The following POGZ variants were observed in gnomAD, a reference collection of about 807,000 sequenced individuals.
The protein encoded by POGZ is pogo transposable element with ZNF domain.
Under a neutral mutation model 134.6 loss-of-function variants are expected in POGZ, and 17 were observed. That is an observed-to-expected ratio of 0.13 (90% confidence interval 0.09 to 0.19). The LOEUF is 0.19. Ranked by LOEUF, POGZ falls within the 10% of genes least tolerant of loss-of-function variation. POGZ has a pLI of 1.00. For synonymous variants in POGZ, 693 were observed against 657.1 expected, an observed-to-expected ratio of 1.05 and a Z score of -0.84; for missense variants, 1,306 against 1,769.7, an observed-to-expected ratio of 0.74 and a Z score of 4.70.
At chr1:151,413,840 T>A (rs2102203978) in intron 10 of POGZ, among the ~76,000 whole-genome samples, 1 of 152,202 alleles carries the variant, frequency 6.6e-6, no homozygotes, top group East Asian at 1.9e-4. Flanking sequence ...CCACTGTGCC[T>A]AGCCAAGTAA....
Position 151,404,946 on chromosome 1 carries a change from A to C in POGZ, c.4089T>G (p.His1363Gln), listed in dbSNP as rs142860188. 1.3e-3 allele frequency: 2,063 copies of C among 1,614,140 alleles called. 6 individuals carry two copies. Among genetic ancestry groups the C allele is most frequent in the Middle Eastern group, 5.8e-3 (35 of 6,062 alleles). Residue 1363 changes from histidine (H) to glutamine (Q), a missense_variant, in exon 19 of 19, where the codon CAT becomes CAG. His to Gln is a conservative substitution (Grantham distance 24). Around this residue, in one of 10 missense-constraint regions of POGZ, gnomAD observed 107 missense variants for 97.9 expected, o/e 1.09. Coordinates refer to ENST00000271715, the MANE Select transcript of POGZ (RefSeq NM_015100.4). Reference sequence around the variant, plus strand: ...TGGGTCGTGGAGTGGAAGACTCAGAATGTTCCCCACTCAGCTTCAGTTGCT... The same window carrying C: ...TGGGTCGTGGAGTGGAAGACTCAGACTGTTCCCCACTCAGCTTCAGTTGCT... ...LEEQLKLSGE[H>Q]SESSTPRPRS...
At chr1:151,408,637 T>C in intron 13 of POGZ, 56 bp from the exon 14 acceptor site, 1 of 1,603,704 alleles carries the variant, frequency 6.2e-7, no homozygotes. Flanking sequence ...TTCAGAATAC[T>C]GAAAATCTCT....
chr1:151,454,995 T>A (rs971294777), intron 1 of POGZ: 10 of 151,628 alleles, frequency 6.6e-5, no homozygotes, highest in African/African-American at 2.4e-4. Context: ...TAATCCCAGC[T>A]ACTGAGGAAG....
chr1:151,443,818 G>C (rs1006396833), intron 1 of POGZ, among the ~76,000 whole-genome samples: 6 of 152,182 alleles, frequency 3.9e-5, no homozygotes, highest in African/African-American at 1.4e-4. Flanking sequence ...TTTACTAAGG[G>C]TCAGTTTCTC....
At chr1:151,452,700 C>G (rs1662277480) in intron 1 of POGZ, among the ~76,000 whole-genome samples, 1 of 151,898 alleles carries the variant, frequency 6.6e-6, no homozygotes, top group African/African-American at 2.4e-5. Flanking sequence ...CCCGTCTCTA[C>G]TAAAAATACA....
At chr1:151,439,644 A>C (rs114820531) in intron 3 of POGZ, among the ~76,000 whole-genome samples, 44 of 152,352 alleles carry the variant, frequency 2.9e-4, no homozygotes, top group African/African-American at 9.9e-4. Flanking sequence ...TGGGGACCCT[A>C]ATAAATGTTC....
intron 3 of POGZ, among the ~76,000 whole-genome samples, chr1:151,436,294 C>G (rs1659578637): frequency 6.6e-6 from 1 of 151,990 alleles, no homozygotes; most frequent in African/African-American, 2.4e-5. Flanking sequence ...CAAAAGAAAC[C>G]TCATTTCCCC....
chr1:151,424,188 T>C lies in POGZ; in HGVS notation c.1284A>G (p.Lys428=). The C allele has an allele frequency of 6.2e-7, 1 of 1,613,974 alleles. No homozygotes were observed. Among genetic ancestry groups the C allele is most frequent in the Non-Finnish European group, 8.5e-7 (1 of 1,179,926 alleles). ...PSAAKPPSPE[K]TAPVASTPSS... ...AGGGTGTGGAAGCAACAGGAGCTGT[T>C]TTCTCAGGGGATGGGGGCTTTGCTG... The change falls in exon 9 of 19, where the codon AAA becomes AAG. Residue 428 remains lysine (K), a synonymous_variant. Transcript: ENST00000271715.
intron 10 of POGZ, among the ~76,000 whole-genome samples, chr1:151,420,988 CAT>C (rs71090165): frequency 2.1e-4 from 30 of 144,892 alleles, no homozygotes; most frequent in African/African-American, 5.0e-4. Context: ...CGTGTTTTTT[CAT>C]ATATATATAT....
In POGZ at chr1:151,446,521, C is replaced by T. The variant is rs567892380; in HGVS notation, c.-1-4316G>A. 3.2e-3 allele frequency among the ~76,000 whole-genome samples: 487 copies of T among 151,832 alleles called. 3 individuals carry two copies. The highest frequency in any genetic ancestry group is 1.0e-2 in the African/African-American group (414 of 41,426). ...CTGTAATCCCAACACTTTGGGAGGC[C>T]GAGGCGGGGGGATCACCTGAGGTTG... On this transcript the variant is annotated intron_variant, in intron 1 of 18. Transcript: ENST00000271715.
chr1:151,424,616 G>C (rs1057232212), intron 8 of POGZ, among the ~76,000 whole-genome samples: 16 of 152,110 alleles, frequency 1.1e-4, no homozygotes, highest in African/African-American at 3.6e-4. Flanking sequence ...CTAAAAAATG[G>C]AAGTAAGAGC....
chr1:151,452,024 G>A (rs1417081823), intron 1 of POGZ, among the ~76,000 whole-genome samples: 1 of 150,570 alleles, frequency 6.6e-6, no homozygotes, highest in Non-Finnish European at 1.5e-5. Flanking sequence ...TTGAACCCGG[G>A]AGGTGGAGGT....
At chr1:151,435,736 C>G (rs56400136) in intron 3 of POGZ, among the ~76,000 whole-genome samples, 1 of 151,952 alleles carries the variant, frequency 6.6e-6, no homozygotes, top group Non-Finnish European at 1.5e-5. Flanking sequence ...CTCAAATGTT[C>G]TGCTCACCTC....
chr1:151,407,458 A>T (rs139650362), intron 15 of POGZ, among the ~76,000 whole-genome samples, 167 bp from the exon 16 acceptor site: 43 of 152,352 alleles, frequency 2.8e-4, no homozygotes, highest in Non-Finnish European at 5.6e-4. Flanking sequence ...TAATATGCAT[A>T]CAAGTCACTG....
intron 10 of POGZ, among the ~76,000 whole-genome samples, chr1:151,421,954 T>C (rs1219687653): frequency 6.6e-6 from 1 of 152,160 alleles, no homozygotes; most frequent in Non-Finnish European, 1.5e-5. Context: ...GGTTTTGCCA[T>C]GTTGGCCAGA....
chr1:151,410,923 A>C (rs1182546175), intron 12 of POGZ, among the ~76,000 whole-genome samples: 2 of 152,170 alleles, frequency 1.3e-5, no homozygotes, highest in Non-Finnish European at 2.9e-5. Context: ...AAATCTTCTG[A>C]ATATCTCTCA....
At chr1:151,410,248 C>T (rs1654433306) in intron 12 of POGZ, among the ~76,000 whole-genome samples, 1 of 152,206 alleles carries the variant, frequency 6.6e-6, no homozygotes, top group Non-Finnish European at 1.5e-5. Flanking sequence ...TCTGGATTTA[C>T]CTACCCTGGG....
At chr1:151,440,497 A>T (rs753123493) in intron 3 of POGZ, among the ~76,000 whole-genome samples, 7 of 152,164 alleles carry the variant, frequency 4.6e-5, no homozygotes, top group Admixed American at 3.9e-4. Flanking sequence ...GTAGACAACA[A>T]CCCTATCCTA....
At chr1:151,440,186 CTTT>C (rs113952080) in intron 3 of POGZ, among the ~76,000 whole-genome samples, 1 of 144,196 alleles carries the variant, frequency 6.9e-6, no homozygotes, top group African/African-American at 2.5e-5. Context: ...TTTTTTGTTC[CTTT>C]TTTTTTTCAC....
Sources: gnomAD v4.1 joint callset for allele counts (sites outside exome capture counted in the v4.1 genomes callset) on GRCh38, gnomAD v4.1.1 for gene constraint, gnomAD v4.1.1 regional missense constraint, MANE v1.5 for transcripts, NCBI Gene and HGNC (gene_info 2026-07-23, HGNC 2026-07-21) for gene names.